The following DROSHA variants were observed in gnomAD, a reference collection of about 807,000 sequenced individuals.
The protein encoded by DROSHA is drosha ribonuclease III, also known as ribonuclease 3.
In DROSHA, 56 loss-of-function variants were observed where a neutral mutation model predicts 181.9. The observed-to-expected ratio is 0.31, with a 90% CI of 0.25 to 0.38. The LOEUF (loss-of-function observed/expected upper bound fraction) is 0.38, where lower values mean the gene tolerates loss of function less well. DROSHA is among the 10% of genes least tolerant of loss of function. The pLI, the probability that DROSHA is intolerant of heterozygous loss-of-function variation, is 1.00. For synonymous variants in DROSHA, 524 were observed against 591.2 expected (o/e 0.89, Z 1.65); for missense variants, 1,218 against 1,743.5 (o/e 0.70, Z 5.37).
chr5:31,511,242 A>G lies in DROSHA; in HGVS notation c.1291-66T>C. The G allele has an allele frequency of 2.1e-6, 3 of 1,444,972 alleles. No individual in the cohort carries two copies. In the Middle Eastern group the frequency reaches 5.3e-4, roughly 257 times the overall value. 89.5% of individuals were successfully genotyped at this position (1,444,972 alleles called of 1,614,324 possible). A position where few individuals can be genotyped will look rare whatever the true frequency, so the allele number is the denominator to read the frequency against. On this transcript the variant is annotated intron_variant, in intron 8 of 35. Coordinates refer to ENST00000344624, the MANE Select transcript of DROSHA (RefSeq NM_001382508.1). ...AACGATCATATCAAAGATATGTAAG[A>G]TCTCACAGGTAATCAAAGCATTTTT...
chr5:31,489,888 C>CTTTTTCTTTTTG (rs1752192208), intron 13 of DROSHA, among the ~76,000 whole-genome samples: 2 of 145,204 alleles, frequency 1.4e-5, no homozygotes, highest in East Asian at 2.0e-4. Flanking sequence ...TTTTCTTTTT[C>CTTTTTCTTTTTG]TTTTTTTGAC....
At chr5:31,515,872 A>C (rs1048804555) in intron 6 of DROSHA, among the ~76,000 whole-genome samples, 2 of 152,280 alleles carry the variant, frequency 1.3e-5, no homozygotes, top group East Asian at 3.9e-4. Context: ...TCAGTCAATA[A>C]AGAAAGATGA....
At chr5:31,421,186 T>A in intron 30 of DROSHA, 86 bp downstream of exon 30, 1 of 1,033,812 alleles carries the variant, frequency 9.7e-7, no homozygotes, top group Non-Finnish European at 1.5e-6. Flanking sequence ...AGTAAGAAAT[T>A]AATTACATAG....
At chr5:31,446,492 A>G (rs951228577) in intron 23 of DROSHA, among the ~76,000 whole-genome samples, 5 of 151,136 alleles carry the variant, frequency 3.3e-5, no homozygotes, top group Non-Finnish European at 5.9e-5. Flanking sequence ...AGCACAAAAA[A>G]GAATAACATA....
intron 23 of DROSHA, among the ~76,000 whole-genome samples, chr5:31,446,977 T>C (rs1053874642): frequency 6.6e-6 from 1 of 152,014 alleles, no homozygotes; most frequent in Non-Finnish European, 1.5e-5. Context: ...GAGGCGGAGG[T>C]TGCAGTGAGC....
chr5:31,504,409 C>A, intron 11 of DROSHA, 146 bp downstream of exon 11: 1 of 900,894 alleles, frequency 1.1e-6, no homozygotes, highest in Non-Finnish European at 1.6e-6. Context: ...CAAGTGCTTT[C>A]CTCTGCAATT....
In DROSHA at chr5:31,480,542, A is replaced by G. The variant is rs556439326; in HGVS notation, c.2071+3012T>C. Among the ~76,000 whole-genome samples the G allele has an allele frequency of 7.3e-5, 11 of 151,624 alleles. No individual in the cohort carries two copies. In the East Asian group the frequency reaches 1.9e-3, roughly 27 times the overall value. On this transcript the variant is annotated intron_variant, in intron 16 of 35. Coordinates refer to ENST00000344624, the MANE Select transcript of DROSHA (RefSeq NM_001382508.1). ...GGATGGTCATATTCACTTTGTAAAA[A>G]CTCACTAAGGTCCTATATTCATGAT...
chr5:31,460,754 A>T (rs1303717708), intron 20 of DROSHA, among the ~76,000 whole-genome samples: 1 of 152,176 alleles, frequency 6.6e-6, no homozygotes, highest in African/African-American at 2.4e-5. Context: ...TTTATTCTTC[A>T]TTACCAAAAA....
Position 31,526,472 on chromosome 5 carries a change from G to C in DROSHA, c.461C>G (p.Pro154Arg), listed in dbSNP as rs1414128155. 1 of 1,607,972 alleles carries C rather than the reference G, an allele frequency of 6.2e-7. No individual in the cohort carries two copies. The highest frequency in any genetic ancestry group is 8.5e-7 in the Non-Finnish European group (1 of 1,176,436). Residue 154 changes from proline (P) to arginine (R), a missense_variant, in exon 5 of 36, where the codon CCC becomes CGC. This residue lies in a region of DROSHA where 536 missense variants were observed against 535.4 expected (regional missense o/e 1.00). Coordinates refer to ENST00000344624, the MANE Select transcript of DROSHA (RefSeq NM_001382508.1). ...CTGCGGCATGACTGGAGGGGGCGGG[G>C]GATGAGGCATGGAGGGAGGGGGCAT... ...FMMPPPSMPH[P>R]PPPPVMPQQV...
In DROSHA at chr5:31,410,897, A is replaced by T; in HGVS notation, c.3526-10T>A. 6.2e-7 allele frequency: 1 copy of T among 1,613,638 alleles called. No homozygotes were observed. Among genetic ancestry groups the T allele is most frequent in the African/African-American group, 1.3e-5 (1 of 75,048 alleles). On this transcript the variant is annotated splice_polypyrimidine_tract_variant and intron_variant, in intron 30 of 35. Coordinates refer to ENST00000344624, the MANE Select transcript of DROSHA (RefSeq NM_001382508.1). The stretch of plus-strand genomic sequence containing the variant: ...AAGAGCTTCGCAACAACTGCCCAAA[A>T]GGAATGGCGGTACATTGAGAACACA...
chr5:31,483,228 AT>A (rs1232634863), intron 16 of DROSHA, among the ~76,000 whole-genome samples: 2 of 152,124 alleles, frequency 1.3e-5, no homozygotes, highest in East Asian at 1.9e-4. Context: ...TTGCATTTAA[AT>A]TTTTTTATTG....
At chr5:31,442,341 A>G (rs1316263141) in intron 23 of DROSHA, among the ~76,000 whole-genome samples, 1 of 152,224 alleles carries the variant, frequency 6.6e-6, no homozygotes, top group African/African-American at 2.4e-5. Context: ...CCAACGGTTT[A>G]TCTGGAAAAA....
chr5:31,418,243 C>CAG (rs35207002), intron 30 of DROSHA, among the ~76,000 whole-genome samples: 14,181 of 148,610 alleles, frequency 0.095, 874 homozygotes, highest in African/African-American at 0.17. Flanking sequence ...GTGTGTGTCA[C>CAG]AGAGAGAGAG....
At chr5:31,471,897 AT>A (rs1353077236) in intron 17 of DROSHA, among the ~76,000 whole-genome samples, 165 bp downstream of exon 17, 1 of 152,214 alleles carries the variant, frequency 6.6e-6, no homozygotes, top group Non-Finnish European at 1.5e-5. Flanking sequence ...ATATGCCTAA[AT>A]TGTAATATTT....
At chr5:31,421,655 C>A in intron 29 of DROSHA, 1 of 321,176 alleles carries the variant, frequency 3.1e-6, no homozygotes, top group Non-Finnish European at 5.7e-6. Flanking sequence ...AGCTGAAGAG[C>A]ATAAATTGAA....
intron 6 of DROSHA, 80 bp downstream of exon 6, chr5:31,521,043 G>T: frequency 1.4e-6 from 2 of 1,390,936 alleles, no homozygotes; most frequent in Non-Finnish European, 2.0e-6. Context: ...TGAAGACTTG[G>T]CTGTTGCTCC....
intron 33 of DROSHA, 138 bp from the exon 34 acceptor site, chr5:31,407,083 G>T: frequency 1.8e-6 from 1 of 545,638 alleles, no homozygotes; most frequent in Non-Finnish European, 3.0e-6. Context: ...ATGGCAGAAA[G>T]GTAAAAAGAG....
rs1401414777 is a variant in DROSHA, at chr5:31,431,519, T to C, written c.3145+57A>G. The C allele has an allele frequency of 3.2e-6, 5 of 1,566,458 alleles. No individual in the cohort carries two copies. In the East Asian group the frequency reaches 1.1e-4, roughly 35 times the overall value. The stretch of plus-strand genomic sequence containing the variant: ...AGTTTCCACACTAAATTTTATGTGC[T>C]CTCCAGACTGTTTAGACATGCAAGA... On this transcript the variant is annotated intron_variant, in intron 26 of 35. Coordinates refer to ENST00000344624, the MANE Select transcript of DROSHA (RefSeq NM_001382508.1).
Position 31,411,801 on chromosome 5 carries a change from A to AT in DROSHA, c.3526-915dup, listed in dbSNP as rs1226281793. On this transcript the variant is annotated intron_variant, in intron 30 of 35. Coordinates refer to ENST00000344624, the MANE Select transcript of DROSHA (RefSeq NM_001382508.1). This position sits in a 1 kb window ranked among gnomAD's most constrained non-coding sequence, Gnocchi z 4.2. ...GCCAACATGCCCAGCTAATTTTTGT[A>AT]TTTTTTGTAGAGACAGGGTTTCACC... Among the ~76,000 whole-genome samples the AT allele has an allele frequency of 4.6e-5, 7 of 151,896 alleles. No individual in the cohort carries two copies. The highest frequency in any genetic ancestry group is 1.7e-4 in the African/African-American group (7 of 41,356).
Sources: gnomAD v4.1 joint callset for allele counts (sites outside exome capture counted in the v4.1 genomes callset) on GRCh38, gnomAD v4.1.1 for gene constraint, gnomAD v4.1.1 regional missense constraint, Gnocchi (gnomAD v3.1) non-coding constraint, MANE v1.5 for transcripts, NCBI Gene and HGNC (gene_info 2026-07-23, HGNC 2026-07-21) for gene names.